The following DPP6 variants were observed in gnomAD, a reference collection of about 807,000 sequenced individuals.
DPP6 encodes dipeptidyl peptidase like 6.
DPP6 carries 69 observed loss-of-function variants against 122.6 expected under a neutral mutation model. The ratio of observed to expected loss-of-function variants is 0.56; its 90% confidence interval spans 0.46 to 0.69. The LOEUF (loss-of-function observed/expected upper bound fraction) is 0.69. DPP6 is among the 30% of genes least tolerant of loss of function. The pLI is 0.00. For missense variants in DPP6, 928 were observed against 1,116.9 expected, an observed-to-expected ratio of 0.83 and a Z score of 2.41; for synonymous variants, 418 against 433.1, an observed-to-expected ratio of 0.97 and a Z score of 0.43.
chr7:154,876,228 C>T, intron 20 of DPP6, 128 bp downstream of exon 20: 1 of 1,340,746 alleles, frequency 7.5e-7, no homozygotes, highest in Non-Finnish European at 9.6e-7. Context: ...TTGCTCTTAC[C>T]TAAAATCTCT....
At chr7:153,809,095 G>A in the DPP6 span, among the ~76,000 whole-genome samples, 6 of 151,912 alleles carry the variant, frequency 3.9e-5, no homozygotes, top group African/African-American at 1.5e-4. Context: ...ACATCCTAAC[G>A]GGTGAAGTGA....
At chr7:153,984,983 A>G (rs1027050391) in intron 1 of DPP6, among the ~76,000 whole-genome samples, 3 of 152,242 alleles carry the variant, frequency 2.0e-5, no homozygotes, top group Non-Finnish European at 2.9e-5. Flanking sequence ...TCCCCAAGCT[A>G]GAATGGTCCT....
chr7:154,169,944 G>A (rs1432605572), intron 1 of DPP6, among the ~76,000 whole-genome samples: 1 of 152,078 alleles, frequency 6.6e-6, no homozygotes, highest in African/African-American at 2.4e-5. Flanking sequence ...GGCTGGTCTT[G>A]AACTCGTGAC....
Position 154,602,066 on chromosome 7 carries a change from T to C in DPP6, c.627+35150T>C, listed in dbSNP as rs746879777. Among the ~76,000 whole-genome samples the C allele has an allele frequency of 3.3e-5, 4 of 121,290 alleles. 1 individual carries two copies. The highest frequency in any genetic ancestry group is 7.4e-5 in the Non-Finnish European group (4 of 53,756). The allele number at this position is 121,290 out of a possible 152,430, so 79.6% of individuals were successfully genotyped here. ...CTCTCTTCTGATTTTTGGTTCAATT[T>C]TTCCTGTCCTCTTTTGGCTACTTGA... On this transcript the variant is annotated intron_variant, in intron 5 of 25. Coordinates refer to ENST00000377770, the MANE Select transcript of DPP6 (RefSeq NM_130797.4).
At chr7:153,808,560 G>T in the DPP6 span, among the ~76,000 whole-genome samples, 1 of 151,956 alleles carries the variant, frequency 6.6e-6, no homozygotes, top group Non-Finnish European at 1.5e-5. Context: ...TATCTGAAAG[G>T]TTGTAACCTT....
chr7:154,680,183 T>C (rs991829619), intron 7 of DPP6, among the ~76,000 whole-genome samples: 1 of 151,946 alleles, frequency 6.6e-6, no homozygotes, highest in Non-Finnish European at 1.5e-5. Context: ...AAAATATAAG[T>C]AGGACATCAG....
rs144866917 is a variant in DPP6, at chr7:154,874,751, G to A, written c.1884-1155G>A. Among the ~76,000 whole-genome samples the A allele has an allele frequency of 2.7e-3, 405 of 152,312 alleles. 1 individual carries two copies. Among genetic ancestry groups the A allele is most frequent in the African/African-American group, 9.4e-3 (389 of 41,570 alleles). On this transcript the variant is annotated intron_variant, in intron 19 of 25. Transcript: ENST00000377770. ...GCACTGCTCCCTGCTGTTCCAGGGA[G>A]GCAGGCTGGACCTGGGGCTGACTTT...
At chr7:154,153,467 G>A (rs1394885503) in intron 1 of DPP6, among the ~76,000 whole-genome samples, 2 of 152,212 alleles carry the variant, frequency 1.3e-5, no homozygotes, top group African/African-American at 2.4e-5. Flanking sequence ...GATTACAGTA[G>A]TGAGTCACTG....
chr7:154,367,563 A>G (rs933384362), intron 1 of DPP6, among the ~76,000 whole-genome samples: 1 of 152,184 alleles, frequency 6.6e-6, no homozygotes, highest in Admixed American at 6.5e-5. Flanking sequence ...ATTGAATTGA[A>G]AAGCCAAAAG....
At chr7:153,955,770 A>C (rs182854343) in intron 1 of DPP6, among the ~76,000 whole-genome samples, 1 of 152,328 alleles carries the variant, frequency 6.6e-6, no homozygotes, top group East Asian at 1.9e-4. Context: ...AAGAATTTGA[A>C]ACACAGAAGA....
chr7:153,816,064 T>A, the DPP6 span, among the ~76,000 whole-genome samples: 1 of 151,842 alleles, frequency 6.6e-6, no homozygotes, highest in Non-Finnish European at 1.5e-5. Flanking sequence ...AAGAAAATAT[T>A]GTGTGTTATA....
chr7:154,724,383 C>T (rs1159509650), intron 7 of DPP6, among the ~76,000 whole-genome samples: 1 of 152,198 alleles, frequency 6.6e-6, no homozygotes, highest in Non-Finnish European at 1.5e-5. Context: ...CCCCAGACCT[C>T]AGGTCACTTC....
chr7:154,033,406 C>T (rs1001638506), intron 1 of DPP6, among the ~76,000 whole-genome samples: 1 of 152,222 alleles, frequency 6.6e-6, no homozygotes. Flanking sequence ...CGTTCTGAGG[C>T]TGTTTCTCTG....
At chr7:154,009,702 G>A (rs1477151471) in intron 1 of DPP6, among the ~76,000 whole-genome samples, 1 of 151,098 alleles carries the variant, frequency 6.6e-6, no homozygotes, top group African/African-American at 2.5e-5. Context: ...TGCTCTGCTG[G>A]GCCCTGAGCC....
intron 1 of DPP6, among the ~76,000 whole-genome samples, chr7:154,357,640 C>T (rs1030603725): frequency 2.6e-5 from 4 of 152,128 alleles, no homozygotes; most frequent in Non-Finnish European, 4.4e-5. Context: ...CACCAAAGCA[C>T]TTTTAGCAAA....
chr7:154,791,224 A>G (rs1362263754), intron 10 of DPP6, among the ~76,000 whole-genome samples: 1 of 152,182 alleles, frequency 6.6e-6, no homozygotes, highest in Non-Finnish European at 1.5e-5. Flanking sequence ...ACTGCACTCC[A>G]GCCTGGGGAA....
At chr7:153,837,984 T>C in the DPP6 span, among the ~76,000 whole-genome samples, 7 of 151,874 alleles carry the variant, frequency 4.6e-5, no homozygotes, top group African/African-American at 7.3e-5. Flanking sequence ...GTAGTTCTTA[T>C]AAAAGTCCAC....
At chr7:154,482,976 C>T (rs746806289) in intron 3 of DPP6, among the ~76,000 whole-genome samples, 28 of 152,082 alleles carry the variant, frequency 1.8e-4, no homozygotes, top group Middle Eastern at 3.4e-3. Context: ...AGCAATAACT[C>T]GGTGGAAATG....
At chr7:154,123,944 C>G (rs548013394) in intron 1 of DPP6, among the ~76,000 whole-genome samples, 4 of 152,174 alleles carry the variant, frequency 2.6e-5, no homozygotes, top group Admixed American at 2.6e-4. Flanking sequence ...CGGGGCTTAC[C>G]TGGGACAGAC....
Sources: allele counts gnomAD v4.1 joint callset (sites outside exome capture counted in the v4.1 genomes callset), GRCh38; gene constraint gnomAD v4.1.1; transcripts MANE v1.5; gene names NCBI Gene and HGNC (gene_info 2026-07-23, HGNC 2026-07-21).